Variants in PPP3CA observed in about 807,000 individuals in gnomAD.
PPP3CA encodes the protein CAM-PRP catalytic subunit.
In PPP3CA, 14 loss-of-function variants were observed where a neutral mutation model predicts 66.5. That is an observed-to-expected ratio of 0.21 (90% CI 0.14 to 0.33). The LOEUF is 0.33. Among genes scored for constraint, PPP3CA ranks in the 10% least tolerant of loss-of-function variants. The pLI is 1.00. For synonymous variants in PPP3CA, 232 were observed against 226.2 expected (o/e 1.03, Z -0.23); for missense variants, 317 against 639.5 (o/e 0.50, Z 5.44).
chr4:101,164,511 G>A (rs1723624817), intron 2 of PPP3CA, among the ~76,000 whole-genome samples: 1 of 150,880 alleles, frequency 6.6e-6, no homozygotes, highest in Non-Finnish European at 1.5e-5. Flanking sequence ...TCCCCTATAA[G>A]GTCCTATCAG....
At chr4:101,251,044 C>A (rs1476144827) in intron 1 of PPP3CA, among the ~76,000 whole-genome samples, 1 of 151,972 alleles carries the variant, frequency 6.6e-6, no homozygotes, top group Non-Finnish European at 1.5e-5. Flanking sequence ...AAAAACAATA[C>A]TTCCACTTGA....
chr4:101,345,894 T>A (rs1167466325), intron 1 of PPP3CA, among the ~76,000 whole-genome samples: 1 of 152,154 alleles, frequency 6.6e-6, no homozygotes, highest in South Asian at 2.1e-4. Flanking sequence ...GGTTATCACT[T>A]GGGAGGTGTG....
chr4:101,085,105 CA>C (rs1729605221), intron 6 of PPP3CA, among the ~76,000 whole-genome samples: 1 of 152,212 alleles, frequency 6.6e-6, no homozygotes, highest in Non-Finnish European at 1.5e-5. Flanking sequence ...TCAAAAACAG[CA>C]GATTTGTTTG....
chr4:101,251,275 C>T (rs964549731), intron 1 of PPP3CA, among the ~76,000 whole-genome samples: 2 of 151,914 alleles, frequency 1.3e-5, no homozygotes, highest in Admixed American at 6.6e-5. Flanking sequence ...TTTATGTATA[C>T]GTATTTCTAT....
intron 1 of PPP3CA, among the ~76,000 whole-genome samples, chr4:101,292,473 C>T (rs1282227609): frequency 6.6e-6 from 1 of 152,214 alleles, no homozygotes; most frequent in Non-Finnish European, 1.5e-5. Flanking sequence ...GCCTCTAAAT[C>T]AGCTCTTCTT....
intron 2 of PPP3CA, among the ~76,000 whole-genome samples, chr4:101,155,473 C>G (rs1723287963): frequency 1.3e-5 from 2 of 152,200 alleles, no homozygotes; most frequent in Non-Finnish European, 2.9e-5. Context: ...TGTTCATCCA[C>G]CTTTCTTTCT....
chr4:101,186,554 T>C (rs1296222479), intron 2 of PPP3CA, among the ~76,000 whole-genome samples: 1 of 152,188 alleles, frequency 6.6e-6, no homozygotes, highest in Admixed American at 6.6e-5. Flanking sequence ...TTCTAATATA[T>C]AATAGCTCAT....
At chr4:101,157,234 G>A (rs1323376872) in intron 2 of PPP3CA, among the ~76,000 whole-genome samples, 2 of 152,124 alleles carry the variant, frequency 1.3e-5, no homozygotes, top group Admixed American at 6.5e-5. Context: ...AGTACCTCCA[G>A]GTAAACTGCA....
At chr4:101,053,356 T>C (rs1728091657) in intron 10 of PPP3CA, among the ~76,000 whole-genome samples, 1 of 152,126 alleles carries the variant, frequency 6.6e-6, no homozygotes, top group Non-Finnish European at 1.5e-5. Flanking sequence ...TGGGTGCAAA[T>C]ATTTTTAAGT....
chr4:101,094,059 C>G, intron 5 of PPP3CA, 144 bp from the exon 6 acceptor site: 1 of 627,124 alleles, frequency 1.6e-6, no homozygotes, highest in Non-Finnish European at 2.4e-6. Flanking sequence ...CTCTCTCTCT[C>G]TTCCTGTCCT....
intron 5 of PPP3CA, among the ~76,000 whole-genome samples, chr4:101,095,080 A>G (rs993894884): frequency 1.3e-5 from 2 of 152,118 alleles, no homozygotes; most frequent in African/African-American, 2.4e-5. Flanking sequence ...TATGTTTTCA[A>G]TACCCAATGA....
chr4:101,300,979 C>T (rs184818414), intron 1 of PPP3CA, among the ~76,000 whole-genome samples: 1 of 152,192 alleles, frequency 6.6e-6, no homozygotes, highest in African/African-American at 2.4e-5. Flanking sequence ...GAAAAGTATT[C>T]ATCTAAAATT....
chr4:101,171,445 T>C (rs767758897), intron 2 of PPP3CA, among the ~76,000 whole-genome samples: 4 of 151,686 alleles, frequency 2.6e-5, no homozygotes, highest in Non-Finnish European at 5.9e-5. Flanking sequence ...TACATGACAA[T>C]AGTAATAAAA....
intron 1 of PPP3CA, among the ~76,000 whole-genome samples, chr4:101,326,343 A>G (rs1038771122): frequency 2.0e-5 from 3 of 152,204 alleles, no homozygotes; most frequent in African/African-American, 7.2e-5. Context: ...TCTTTGATTC[A>G]CAGACTTCAG....
At position 101,314,888 on chromosome 4, in the gene PPP3CA, AT is replaced by A. The variant is rs1356842797; in HGVS notation, c.58+31850del. On this transcript the variant is annotated intron_variant, in intron 1 of 13. Coordinates refer to ENST00000394854, the MANE Select transcript of PPP3CA (RefSeq NM_000944.5). ...CTTCTTAATTTCTTCTTTTATAAAA[AT>A]CACTTCGCAGAAGAACAACATATTT... 4.6e-5 allele frequency among the ~76,000 whole-genome samples: 7 copies of A among 152,326 alleles called. 1 individual carries two copies. The South Asian group carries it at 1.5e-3, about 32-fold the overall frequency.
At position 101,251,270 on chromosome 4, in the gene PPP3CA, G is replaced by A. The variant is rs191353864; in HGVS notation, c.59-55154C>T. On this transcript the variant is annotated intron_variant, in intron 1 of 13. Transcript: ENST00000394854. Reference sequence around the variant, plus strand: ...TTAGAAAAAAATGAAATATATTTATGTATACGTATTTCTATGTTTTCCCAA... The same window carrying A: ...TTAGAAAAAAATGAAATATATTTATATATACGTATTTCTATGTTTTCCCAA... Among the ~76,000 whole-genome samples, 1,253 of 152,042 alleles carry A rather than the reference G, an allele frequency of 8.2e-3. 10 individuals are homozygous for A. The highest frequency in any genetic ancestry group is 0.02 in the Middle Eastern group (6 of 294).
chr4:101,303,126 G>T (rs1173799946), intron 1 of PPP3CA, among the ~76,000 whole-genome samples: 1 of 152,146 alleles, frequency 6.6e-6, no homozygotes, highest in Non-Finnish European at 1.5e-5. Flanking sequence ...GACAGATTCT[G>T]TAATTCTGTA....
At position 101,030,953 on chromosome 4, in the gene PPP3CA, TTG is replaced by T. The variant is rs113519666; in HGVS notation, c.1339+1312_1339+1313del. ...GATATTTAATTTGGTAGAAAAACTT[TTG>T]TGTGTGTTTTTTTTTTAAAGTTGTT... On this transcript the variant is annotated intron_variant, in intron 12 of 13. Coordinates refer to ENST00000394854, the MANE Select transcript of PPP3CA (RefSeq NM_000944.5). Among the ~76,000 whole-genome samples the T allele has an allele frequency of 5.0e-3, 652 of 130,986 alleles. 3 individuals are homozygous for T. Among genetic ancestry groups the T allele is most frequent in the African/African-American group, 0.01 (354 of 34,422 alleles). The allele number at this position is 130,986 out of a possible 152,430, so 85.9% of individuals were successfully genotyped here. A position where few individuals can be genotyped will look rare whatever the true frequency, so the allele number is the denominator to read the frequency against.
At chr4:101,136,322 C>T (rs558953487) in intron 2 of PPP3CA, among the ~76,000 whole-genome samples, 1 of 152,224 alleles carries the variant, frequency 6.6e-6, no homozygotes, top group South Asian at 2.1e-4. Flanking sequence ...GGGTAGATCA[C>T]TGGAGGTCAG....
Sources: gnomAD v4.1 joint callset for allele counts (sites outside exome capture counted in the v4.1 genomes callset) on GRCh38, gnomAD v4.1.1 for gene constraint, MANE v1.5 for transcripts, NCBI Gene and HGNC (gene_info 2026-07-23, HGNC 2026-07-21) for gene names.